TERB1: variants seen among roughly 807,000 people sequenced by gnomAD.
TERB1 encodes the protein telomere repeat binding bouquet formation protein 1.
In TERB1, 63 loss-of-function variants were observed where a neutral mutation model predicts 92.3. The observed-to-expected ratio is 0.68, with a 90% confidence interval of 0.56 to 0.84. The LOEUF is 0.84. Ranked by LOEUF, TERB1 falls within the 40% of genes least tolerant of loss-of-function variation. The probability of loss-of-function intolerance (pLI) is 0.00; values close to 1 mark genes in which losing one functional copy is unlikely to be tolerated. For synonymous variants in TERB1, 252 were observed against 283.9 expected, an observed-to-expected ratio of 0.89 and a Z score of 1.13; for missense variants, 709 against 843.7, an observed-to-expected ratio of 0.84 and a Z score of 1.98.
At chr16:66,799,831 T>C (rs888866407) in intron 2 of TERB1, among the ~76,000 whole-genome samples, 4 of 152,232 alleles carry the variant, frequency 2.6e-5, no homozygotes, top group Non-Finnish European at 5.9e-5. Context: ...AAGCAGATTA[T>C]GAAGTGCTTT....
intron 10 of TERB1, among the ~76,000 whole-genome samples, chr16:66,778,066 T>C (rs769383720): frequency 6.6e-6 from 1 of 152,208 alleles, no homozygotes; most frequent in Non-Finnish European, 1.5e-5. Context: ...TGAATAATAA[T>C]AGAGTTTCTT....
chr16:66,760,788 AAAAAAAAAAAAAAG>A (rs1305098714), intron 16 of TERB1, among the ~76,000 whole-genome samples: 375 of 35,472 alleles, frequency 0.011, 1 homozygote, highest in Non-Finnish European at 0.011. Flanking sequence ...CATCTCAAAA[AAAAAAAAAAAAAAG>A]AAAAGAAAAG....
In TERB1 at chr16:66,754,920, C is replaced by G; in HGVS notation, c.*56G>C. 3 of 1,400,542 alleles carry G rather than the reference C, an allele frequency of 2.1e-6. No homozygotes were observed. The South Asian group carries it at 4.0e-5, about 19-fold the overall frequency. 86.8% of individuals were successfully genotyped at this position (1,400,542 alleles called of 1,614,324 possible). On this transcript the variant is annotated 3_prime_UTR_variant, in exon 19 of 19. Transcript: ENST00000433154. ...GTTTAGAAAAATACTTTAAATGTAT[C>G]TTTCAAGGCACTGTATTTTAAGAAT...
chr16:66,774,717 C>T (rs1026207489), intron 12 of TERB1, among the ~76,000 whole-genome samples: 6 of 145,182 alleles, frequency 4.1e-5, no homozygotes, highest in African/African-American at 1.5e-4. Flanking sequence ...GGGTCTCACT[C>T]TATGACCCAG....
intron 16 of TERB1, among the ~76,000 whole-genome samples, chr16:66,764,677 C>A (rs1211339523): frequency 6.6e-6 from 1 of 152,052 alleles, no homozygotes; most frequent in Non-Finnish European, 1.5e-5. Context: ...CAAAAAAGAA[C>A]AAAATTTGAT....
rs561027836 is a variant in TERB1 at position 66,764,463 on chromosome 16, T to C, written c.1780+2952A>G. Among the ~76,000 whole-genome samples, 112 of 152,284 alleles carry C rather than the reference T, an allele frequency of 7.4e-4. 1 individual carries two copies. The highest frequency in any genetic ancestry group is 2.6e-3 in the African/African-American group (106 of 41,560). On this transcript the variant is annotated intron_variant, in intron 16 of 18. Transcript: ENST00000433154. ...AGCAGGACAAAATTCCACAAAACTTTGAAAGCCAGGCAGAGAGGTTGATTC... is the reference window on the plus strand; with the variant it reads ...AGCAGGACAAAATTCCACAAAACTTCGAAAGCCAGGCAGAGAGGTTGATTC...
intron 14 of TERB1, 43 bp downstream of exon 14, chr16:66,769,920 C>T: frequency 7.4e-7 from 1 of 1,343,030 alleles, no homozygotes. Flanking sequence ...ACAATAAATG[C>T]TTGCTGAATA....
intron 3 of TERB1, among the ~76,000 whole-genome samples, chr16:66,791,326 G>A (rs2018832006): frequency 6.6e-6 from 1 of 151,726 alleles, no homozygotes; most frequent in Admixed American, 6.6e-5. Context: ...GAAAAAAAAA[G>A]TGGATAAAAA....
chr16:66,777,132 G>GAAAA, intron 11 of TERB1, 71 bp downstream of exon 11: 3 of 1,173,650 alleles, frequency 2.6e-6, no homozygotes, highest in Non-Finnish European at 2.3e-6. Flanking sequence ...ATAACTGGAA[G>GAAAA]AAAAAAAAAA....
At chr16:66,774,727 GGCTGGAGGGCCAGTGGTGCAAACACA>G (rs1424467994) in intron 12 of TERB1, among the ~76,000 whole-genome samples, 1 of 146,798 alleles carries the variant, frequency 6.8e-6, no homozygotes, top group Non-Finnish European at 1.5e-5. Context: ...CTATGACCCA[GGCTGGAGGGCCAGTGGTGCAAACACA>G]GCTCACTGCA....
chr16:66,779,122 C>A, intron 9 of TERB1, 107 bp from the exon 10 acceptor site: 1 of 805,540 alleles, frequency 1.2e-6, no homozygotes, highest in Non-Finnish European at 1.7e-6. Context: ...CAAATACTTT[C>A]TAAAAATCCC....
At chr16:66,762,513 T>C (rs1466459789) in intron 16 of TERB1, among the ~76,000 whole-genome samples, 1 of 151,314 alleles carries the variant, frequency 6.6e-6, no homozygotes, top group Non-Finnish European at 1.5e-5. Flanking sequence ...GTCTCCTAAG[T>C]AGCTACAACT....
rs188955827 is a variant in TERB1 at position 66,755,791 on chromosome 16, T to A, written c.1997-628A>T. On this transcript the variant is annotated intron_variant, in intron 18 of 18. Transcript: ENST00000433154. ...CTCTGTCTCAAAATATATAAATAAA[T>A]AAAAATAAAAAACAGCTTACGTATC... 4.4e-3 allele frequency among the ~76,000 whole-genome samples: 667 copies of A among 151,940 alleles called. 2 individuals are homozygous for A. The highest frequency in any genetic ancestry group is 0.01 in the Middle Eastern group (3 of 294).
At chr16:66,779,958 A>G (rs1271821039) in intron 9 of TERB1, among the ~76,000 whole-genome samples, 1 of 152,200 alleles carries the variant, frequency 6.6e-6, no homozygotes, top group Non-Finnish European at 1.5e-5. Flanking sequence ...TCCCTAGTGG[A>G]AAATAATTCT....
chr16:66,766,167 G>C (rs1030555600), intron 16 of TERB1, among the ~76,000 whole-genome samples: 122 of 152,176 alleles, frequency 8.0e-4, no homozygotes, highest in Non-Finnish European at 1.4e-3. Context: ...CACCGCGCCC[G>C]GCCGGGTATT....
rs1168704641 is a variant in TERB1, at chr16:66,798,520, GTATGT to G, written c.-32-1695_-32-1691del. Among the ~76,000 whole-genome samples, 9 of 152,156 alleles carry G rather than the reference GTATGT, an allele frequency of 5.9e-5. No homozygotes were observed. The South Asian group carries it at 1.9e-3, about 32-fold the overall frequency. On this transcript the variant is annotated intron_variant, in intron 2 of 18. Coordinates refer to ENST00000433154, the MANE Select transcript of TERB1 (RefSeq NM_001136505.2). ...AAATATTACATTACAATAGAAGTAG[GTATGT>G]TATAAGTCCACAGGATTGGATATTA...
At chr16:66,769,652 G>T (rs2018409682) in intron 14 of TERB1, among the ~76,000 whole-genome samples, 1 of 152,104 alleles carries the variant, frequency 6.6e-6, no homozygotes, top group African/African-American at 2.4e-5. Flanking sequence ...TTCCGTTTAG[G>T]TTTTATTTTC....
intron 2 of TERB1, among the ~76,000 whole-genome samples, chr16:66,800,359 C>T (rs1356103911): frequency 5.3e-5 from 8 of 150,016 alleles, no homozygotes. Flanking sequence ...GAGGGAGACC[C>T]TGTCTCAAAA....
intron 16 of TERB1, among the ~76,000 whole-genome samples, chr16:66,765,896 GCT>G (rs1415208948): frequency 9.4e-6 from 1 of 106,802 alleles, no homozygotes; most frequent in African/African-American, 3.8e-5. Context: ...ACGGAGTCTC[GCT>G]CTGTCGCCCA....
Sources: allele counts gnomAD v4.1 joint callset (sites outside exome capture counted in the v4.1 genomes callset), GRCh38; gene constraint gnomAD v4.1.1; transcripts MANE v1.5; gene names NCBI Gene and HGNC (gene_info 2026-07-23, HGNC 2026-07-21).